PTPRD: variants seen among roughly 807,000 people sequenced by gnomAD.
The protein encoded by PTPRD is protein tyrosine phosphatase receptor type D.
In PTPRD, 34 loss-of-function variants were observed where a neutral mutation model predicts 214.5. That is an observed-to-expected ratio of 0.16 (90% CI 0.12 to 0.21). The LOEUF is 0.21. PTPRD is among the 10% of genes least tolerant of loss of function. The pLI, the probability that PTPRD is intolerant of heterozygous loss-of-function variation, is 1.00. For synonymous variants in PTPRD, 1,128 were observed against 845.7 expected (o/e 1.33, Z -5.79); for missense variants, 2,545 against 2,398.7 (o/e 1.06, Z -1.27).
At chr9:9,520,020 C>G (rs527492225) in intron 8 of PTPRD, among the ~76,000 whole-genome samples, 3 of 151,978 alleles carry the variant, frequency 2.0e-5, no homozygotes, top group South Asian at 4.1e-4. Context: ...TGTAGACTTT[C>G]TTTAGAATAA....
rs75624350 is a variant in PTPRD, at chr9:8,983,104, A to C, written c.-104+35593T>G. 7.1e-3 allele frequency among the ~76,000 whole-genome samples: 1,078 copies of C among 151,964 alleles called. 14 individuals carry two copies. Among genetic ancestry groups the C allele is most frequent in the African/African-American group, 0.024 (1,015 of 41,484 alleles). The stretch of plus-strand genomic sequence containing the variant: ...TTTTTTCATAAATCATTTTTTCTTT[A>C]GTCTGTTTTCATCATGAGTTATTTA... On this transcript the variant is annotated intron_variant, in intron 11 of 45. Coordinates refer to ENST00000381196, the MANE Select transcript of PTPRD (RefSeq NM_002839.4).
At chr9:10,130,655 T>A (rs966935436) in intron 3 of PTPRD, among the ~76,000 whole-genome samples, 1 of 152,060 alleles carries the variant, frequency 6.6e-6, no homozygotes, top group Non-Finnish European at 1.5e-5. Flanking sequence ...TTAGCGATTA[T>A]AAGTAAAAAC....
chr9:8,710,651 C>G (rs2098313086), intron 12 of PTPRD, among the ~76,000 whole-genome samples: 2 of 152,072 alleles, frequency 1.3e-5, no homozygotes, highest in South Asian at 4.2e-4. Context: ...ATAATAATAA[C>G]AGTAATAGGA....
intron 12 of PTPRD, among the ~76,000 whole-genome samples, chr9:8,670,851 T>C (rs2097269142): frequency 6.6e-6 from 1 of 152,126 alleles, no homozygotes; most frequent in Non-Finnish European, 1.5e-5. Flanking sequence ...TAAAAGCACA[T>C]TTCTTTCAGT....
intron 2 of PTPRD, among the ~76,000 whole-genome samples, chr9:10,603,625 G>A (rs1269864643): frequency 6.6e-6 from 1 of 151,792 alleles, no homozygotes; most frequent in Non-Finnish European, 1.5e-5. Flanking sequence ...CAACTTCACA[G>A]GAATGATATG....
intron 5 of PTPRD, among the ~76,000 whole-genome samples, chr9:9,915,400 G>A (rs1321132938): frequency 2.6e-5 from 4 of 151,486 alleles, no homozygotes; most frequent in Admixed American, 1.3e-4. Flanking sequence ...GGAAATATAT[G>A]AAATGCCAGA....
intron 7 of PTPRD, among the ~76,000 whole-genome samples, chr9:9,689,644 C>T (rs1024509243): frequency 6.6e-6 from 1 of 151,688 alleles, no homozygotes; most frequent in Non-Finnish European, 1.5e-5. Context: ...CCACTCCTCC[C>T]CTCTACTCTT....
At chr9:10,598,117 C>T (rs1358860241) in intron 2 of PTPRD, among the ~76,000 whole-genome samples, 1 of 151,298 alleles carries the variant, frequency 6.6e-6, no homozygotes, top group Non-Finnish European at 1.5e-5. Context: ...GATTGAGGTC[C>T]AGTTTTCTAA....
chr9:10,060,110 G>A (rs573212793), intron 3 of PTPRD, among the ~76,000 whole-genome samples: 67 of 152,138 alleles, frequency 4.4e-4, no homozygotes, highest in Non-Finnish European at 7.9e-4. Flanking sequence ...ACTGCATAAT[G>A]TGTTTGCTAA....
chr9:9,976,768 G>A (rs139873544), intron 4 of PTPRD, among the ~76,000 whole-genome samples: 1 of 146,556 alleles, frequency 6.8e-6, no homozygotes, highest in East Asian at 2.1e-4. Flanking sequence ...TTAATGGCAA[G>A]TCTGTGTTCT....
intron 2 of PTPRD, among the ~76,000 whole-genome samples, chr9:10,468,765 T>C (rs936997125): frequency 6.6e-6 from 1 of 152,152 alleles, no homozygotes; most frequent in Non-Finnish European, 1.5e-5. Flanking sequence ...TTTATGTATA[T>C]TTATGCATAT....
In PTPRD at chr9:8,898,624, A is replaced by G. The variant is rs550364788; in HGVS notation, c.-104+120073T>C. Among the ~76,000 whole-genome samples, 275 of 152,338 alleles carry G rather than the reference A, an allele frequency of 1.8e-3. 2 individuals carry two copies. Among genetic ancestry groups the G allele is most frequent in the Non-Finnish European group, 3.2e-3 (217 of 68,030 alleles). On this transcript the variant is annotated intron_variant, in intron 11 of 45. Coordinates refer to ENST00000381196, the MANE Select transcript of PTPRD (RefSeq NM_002839.4). The stretch of plus-strand genomic sequence containing the variant: ...GTGAGATTTTATATTTTCTACATCA[A>G]CTACTTTAATTGAGTATCTAATCCA...
At chr9:9,435,427 C>G (rs1213697881) in intron 8 of PTPRD, among the ~76,000 whole-genome samples, 1 of 151,116 alleles carries the variant, frequency 6.6e-6, no homozygotes, top group Non-Finnish European at 1.5e-5. Context: ...AGGAGGATCC[C>G]TCGAACCCAG....
At chr9:10,208,439 G>A (rs1006013650) in intron 3 of PTPRD, among the ~76,000 whole-genome samples, 4 of 152,178 alleles carry the variant, frequency 2.6e-5, no homozygotes, top group Admixed American at 6.5e-5. Flanking sequence ...GCGTGAACCC[G>A]GGAGGCGGAG....
At position 10,193,577 on chromosome 9, in the gene PTPRD, T is replaced by C. The variant is rs150546859; in HGVS notation, c.-545+147386A>G. Among the ~76,000 whole-genome samples the C allele has an allele frequency of 1.3e-3, 197 of 152,216 alleles. 3 individuals carry two copies. The East Asian group carries it at 0.031, about 24-fold the overall frequency. On this transcript the variant is annotated intron_variant, in intron 3 of 45. Coordinates refer to ENST00000381196, the MANE Select transcript of PTPRD (RefSeq NM_002839.4). ...TTGTGAACGGATACAGGAATGAGGG[T>C]TGTTCCCAGTTTTAAAATGTCAAGA... is the stretch of plus-strand genomic sequence containing the variant.
At chr9:10,276,743 G>A (rs2094714025) in intron 3 of PTPRD, among the ~76,000 whole-genome samples, 1 of 152,192 alleles carries the variant, frequency 6.6e-6, no homozygotes, top group African/African-American at 2.4e-5. Flanking sequence ...TGTCAGAACA[G>A]AAGGCCAGGT....
chr9:9,448,507 T>C (rs1171938048), intron 8 of PTPRD, among the ~76,000 whole-genome samples: 3 of 152,058 alleles, frequency 2.0e-5, no homozygotes, highest in Admixed American at 2.0e-4. Flanking sequence ...GCTGCTATGA[T>C]TGTAAGTTTC....
intron 12 of PTPRD, among the ~76,000 whole-genome samples, chr9:8,661,057 C>G (rs1164453598): frequency 7.9e-5 from 12 of 152,018 alleles, no homozygotes; most frequent in Admixed American, 7.2e-4. Context: ...GCTTATTGTT[C>G]TCAAAATCAG....
chr9:10,528,952 G>A lies in PTPRD; in HGVS notation c.-600+83446C>T, dbSNP rs576623466. On this transcript the variant is annotated intron_variant, in intron 2 of 45. Transcript: ENST00000381196. ...AGTTTTGTGGTGGATGGAAAAAAGAGAAATTGACTTTTTTAATTAAGAAAA... is the reference window on the plus strand; with the variant it reads ...AGTTTTGTGGTGGATGGAAAAAAGAAAAATTGACTTTTTTAATTAAGAAAA... 2.7e-4 allele frequency among the ~76,000 whole-genome samples: 41 copies of A among 152,240 alleles called. No homozygotes were observed. The South Asian group carries it at 8.5e-3, about 32-fold the overall frequency.
Sources: allele counts gnomAD v4.1 joint callset (sites outside exome capture counted in the v4.1 genomes callset), GRCh38; gene constraint gnomAD v4.1.1; transcripts MANE v1.5; gene names NCBI Gene and HGNC (gene_info 2026-07-23, HGNC 2026-07-21).